CEP97: variants seen among roughly 807,000 people sequenced by gnomAD.
The protein encoded by CEP97 is centrosomal protein 97.
CEP97 carries 43 observed loss-of-function variants against 73.1 expected under a neutral mutation model. The ratio of observed to expected loss-of-function variants is 0.59; its 90% CI spans 0.46 to 0.76. The LOEUF is 0.76. CEP97 is among the 30% of genes least tolerant of loss of function. The probability of loss-of-function intolerance (pLI) is 0.00; values close to 1 mark genes in which losing one functional copy is unlikely to be tolerated. For missense variants in CEP97, 939 were observed against 1,014.0 expected (o/e 0.93, Z 1.00); for synonymous variants, 337 against 370.0 (o/e 0.91, Z 1.02).
At chr3:101,759,668 A>C (rs1050990424) in intron 9 of CEP97, among the ~76,000 whole-genome samples, 25 of 152,140 alleles carry the variant, frequency 1.6e-4, no homozygotes. Flanking sequence ...ATCTCCCAGG[A>C]GTCAGTCAAG....
At chr3:101,728,665 G>A in intron 3 of CEP97, 171 bp from the exon 4 acceptor site, 1 of 591,912 alleles carries the variant, frequency 1.7e-6, no homozygotes. Context: ...TTTACAACCT[G>A]ACAATCTACT....
Position 101,758,128 on chromosome 3 carries a change from A to T in CEP97, c.1522A>T (p.Thr508Ser). The change falls in exon 9 of 11, where the codon ACT (threonine) becomes TCT (serine). Residue 508 changes from threonine to serine, a missense_variant. By Grantham distance (58) the Thr-to-Ser change is moderately conservative. Transcript: ENST00000341893. ...NHSLTFFPESTEQKQSDIKKP... is the reference protein window; with the variant it reads ...NHSLTFFPESSEQKQSDIKKP... ...CAGTCTTACATTTTTTCCTGAGTCAACTGAGCAGAAACAATCAGACATAAA... is the reference window on the plus strand; with the variant it reads ...CAGTCTTACATTTTTTCCTGAGTCATCTGAGCAGAAACAATCAGACATAAA... 6.2e-7 allele frequency: 1 copy of T among 1,614,234 alleles called. No individual in the cohort carries two copies. Among genetic ancestry groups the T allele is most frequent in the African/African-American group, 1.3e-5 (1 of 75,060 alleles).
In CEP97 at chr3:101,755,592, G is replaced by A; in HGVS notation, c.891G>A (p.Gln297=). The A allele has an allele frequency of 6.2e-7, 1 of 1,613,916 alleles. No homozygotes were observed. The highest frequency in any genetic ancestry group is 8.5e-7 in the Non-Finnish European group (1 of 1,179,856). Residue 297 remains glutamine, a splice_region_variant and synonymous_variant, in exon 7 of 11, where the codon CAG becomes CAA. Coordinates refer to ENST00000341893, the MANE Select transcript of CEP97 (RefSeq NM_024548.4). ...AACTAGAGAAGATTTTGAGCAAACA[G>A]AGGTAAGCCCATTTATTTCTAACAA... ...DAKLEKILSK[Q]RFHQRQLMNQ...
chr3:101,743,297 C>T (rs1938512274), intron 6 of CEP97, among the ~76,000 whole-genome samples: 1 of 151,710 alleles, frequency 6.6e-6, no homozygotes, highest in Non-Finnish European at 1.5e-5. Context: ...CGTAACTCCC[C>T]TCCTCACTAG....
At chr3:101,732,379 G>A (rs1938139879) in intron 5 of CEP97, 109 bp from the exon 6 acceptor site, 2 of 743,388 alleles carry the variant, frequency 2.7e-6, no homozygotes, top group Non-Finnish European at 4.4e-6. Context: ...TTCAGAACAA[G>A]AGGGAAATTA....
chr3:101,748,185 A>G (rs897420060), intron 6 of CEP97, among the ~76,000 whole-genome samples: 3 of 144,752 alleles, frequency 2.1e-5, no homozygotes, highest in Non-Finnish European at 4.6e-5. Flanking sequence ...ATGAGTCTTA[A>G]TTTTTTTTTT....
In CEP97 at chr3:101,732,768, C is replaced by T. The variant is rs533772572; in HGVS notation, c.728+114C>T. On this transcript the variant is annotated intron_variant, in intron 6 of 10. Transcript: ENST00000341893. ...CATTTAGATAACAAGAGTATTAGTG[C>T]AGTCATGTAGCAGACTATATGCTGG... 64 of 843,566 alleles carry T rather than the reference C, an allele frequency of 7.6e-5. No individual in the cohort carries two copies. The African/African-American group carries it at 9.3e-4, about 12-fold the overall frequency. 52.3% of individuals were successfully genotyped at this position (843,566 alleles called of 1,614,324 possible). A position where few individuals can be genotyped will look rare whatever the true frequency, so the allele number is the denominator to read the frequency against.
chr3:101,724,624 C>T lies in CEP97; in HGVS notation c.-53C>T, dbSNP rs1040201547. On this transcript the variant is annotated 5_prime_UTR_variant, in exon 1 of 11. Coordinates refer to ENST00000341893, the MANE Select transcript of CEP97 (RefSeq NM_024548.4). ...CCGGCTCCCTCCTTCAGATTACAAG[C>T]TCCACAGAGCCGCGGGAGGACGGTT... is the stretch of plus-strand genomic sequence containing the variant. 2.5e-6 allele frequency: 4 copies of T among 1,607,746 alleles called. No homozygotes were observed. The African/African-American group carries it at 5.3e-5, about 21-fold the overall frequency.
In CEP97 at chr3:101,749,473, A is replaced by G. The variant is rs1255939281; in HGVS notation, c.729-5957A>G. On this transcript the variant is annotated intron_variant, in intron 6 of 10. Coordinates refer to ENST00000341893, the MANE Select transcript of CEP97 (RefSeq NM_024548.4). Reference sequence around the variant, plus strand: ...TAAACATACGTGTGCATGTGTCTTTATAGCAGCATGATTTATAGTCCTTTG... The same window carrying G: ...TAAACATACGTGTGCATGTGTCTTTGTAGCAGCATGATTTATAGTCCTTTG... 2.2e-5 allele frequency among the ~76,000 whole-genome samples: 3 copies of G among 134,064 alleles called. No homozygotes were observed. The East Asian group carries it at 6.3e-4, about 28-fold the overall frequency. The allele number at this position is 134,064 out of a possible 152,430, so 88.0% of individuals were successfully genotyped here.
chr3:101,726,964 A>T (rs1937911673), intron 2 of CEP97, among the ~76,000 whole-genome samples: 7 of 152,214 alleles, frequency 4.6e-5, no homozygotes. Flanking sequence ...TTTGCAAAAT[A>T]CTGTGTTACT....
Position 101,766,538 on chromosome 3 carries a change from T to C in CEP97, c.*987T>C, listed in dbSNP as rs1415185737. ...ACTACTGGTCGAATATGAATGACTT[T>C]TTAGGAACTACTTTTTGTCTAACCT... On this transcript the variant is annotated 3_prime_UTR_variant, in exon 11 of 11. Coordinates refer to ENST00000341893, the MANE Select transcript of CEP97 (RefSeq NM_024548.4). 1 of 152,604 alleles carries C rather than the reference T, an allele frequency of 6.6e-6. No homozygotes were observed. Among genetic ancestry groups the C allele is most frequent in the African/African-American group, 2.4e-5 (1 of 41,430 alleles). 9.5% of individuals were successfully genotyped at this position (152,604 alleles called of 1,614,324 possible).
In CEP97 at chr3:101,766,456, G is replaced by A. The variant is rs1287566151; in HGVS notation, c.*905G>A. 1 of 152,506 alleles carries A rather than the reference G, an allele frequency of 6.6e-6. No individual in the cohort carries two copies. Among genetic ancestry groups the A allele is most frequent in the Non-Finnish European group, 1.5e-5 (1 of 68,012 alleles). The allele number at this position is 152,506 out of a possible 1,614,324, so 9.4% of individuals were successfully genotyped here. A position where few individuals can be genotyped will look rare whatever the true frequency, so the allele number is the denominator to read the frequency against. ...ACTTATATATTTCAGCAGAAGGTCC[G>A]TGGCCATTCACTTCAATTTTGACCT... On this transcript the variant is annotated 3_prime_UTR_variant, in exon 11 of 11. Coordinates refer to ENST00000341893, the MANE Select transcript of CEP97 (RefSeq NM_024548.4).
chr3:101,745,034 C>G (rs1311860595), intron 6 of CEP97, among the ~76,000 whole-genome samples: 1 of 152,152 alleles, frequency 6.6e-6, no homozygotes, highest in Non-Finnish European at 1.5e-5. Context: ...TTGGCTGAGC[C>G]ATTTCTCAGA....
rs748177072 is a variant in CEP97 at position 101,765,561 on chromosome 3, T to G, written c.*10T>G. ...TGGTGTTACTGTGTAGCATGTCTTT[T>G]GGGAGGCAGATATCCACTTAACTTT... On this transcript the variant is annotated 3_prime_UTR_variant, in exon 11 of 11. Coordinates refer to ENST00000341893, the MANE Select transcript of CEP97 (RefSeq NM_024548.4). 6.3e-7 allele frequency: 1 copy of G among 1,577,570 alleles called. No individual in the cohort carries two copies. Among genetic ancestry groups the G allele is most frequent in the South Asian group, 1.2e-5 (1 of 86,672 alleles).
intron 6 of CEP97, among the ~76,000 whole-genome samples, chr3:101,748,249 T>TA (rs1938688452): frequency 6.6e-6 from 1 of 151,884 alleles, no homozygotes; most frequent in Non-Finnish European, 1.5e-5. Context: ...GTTTTTTTTT[T>TA]ACGTAGGATT....
intron 3 of CEP97, among the ~76,000 whole-genome samples, chr3:101,728,236 CATATATT>C (rs1937962639): frequency 6.6e-6 from 1 of 150,868 alleles, no homozygotes; most frequent in Admixed American, 6.6e-5. Flanking sequence ...CACCAACTGT[CATATATT>C]ATTACTATGG....
rs1348493927 is a variant in CEP97 at position 101,766,531 on chromosome 3, A to G, written c.*980A>G. 1 of 152,586 alleles carries G rather than the reference A, an allele frequency of 6.6e-6. No individual in the cohort carries two copies. The highest frequency in any genetic ancestry group is 1.5e-5 in the Non-Finnish European group (1 of 68,016). 9.5% of individuals were successfully genotyped at this position (152,586 alleles called of 1,614,324 possible). On this transcript the variant is annotated 3_prime_UTR_variant, in exon 11 of 11. Coordinates refer to ENST00000341893, the MANE Select transcript of CEP97 (RefSeq NM_024548.4). ...AAGTAATACTACTGGTCGAATATGA[A>G]TGACTTTTTAGGAACTACTTTTTGT...
At chr3:101,747,534 C>G (rs571625577) in intron 6 of CEP97, among the ~76,000 whole-genome samples, 1 of 150,452 alleles carries the variant, frequency 6.6e-6, no homozygotes, top group South Asian at 2.1e-4. Context: ...TTTGGGATTA[C>G]AGGCGTGAGC....
chr3:101,755,630 C>T, intron 7 of CEP97, 36 bp downstream of exon 7: 1 of 1,601,062 alleles, frequency 6.2e-7, no homozygotes, highest in Non-Finnish European at 8.6e-7. Context: ...GATGAATTCA[C>T]AAGTTAAAAT....
Sources: gnomAD v4.1 joint callset for allele counts (sites outside exome capture counted in the v4.1 genomes callset) on GRCh38, gnomAD v4.1.1 for gene constraint, MANE v1.5 for transcripts, NCBI Gene and HGNC (gene_info 2026-07-23, HGNC 2026-07-21) for gene names.